Variants in CBX6 observed in about 807,000 individuals in gnomAD.
CBX6 encodes chromobox 6.
In CBX6, 7 loss-of-function variants were observed where a neutral mutation model predicts 28.4. That is an observed-to-expected ratio of 0.25 (90% CI 0.14 to 0.46). The LOEUF (loss-of-function observed/expected upper bound fraction) is 0.46. Ranked by LOEUF, CBX6 falls within the 20% of genes least tolerant of loss-of-function variation. The pLI, the probability that CBX6 is intolerant of heterozygous loss-of-function variation, is 0.99. For missense variants in CBX6, 512 were observed against 606.1 expected (o/e 0.84, Z 1.63); for synonymous variants, 297 against 273.4 (o/e 1.09, Z -0.85).
chr22:38,867,633 G>T (rs1211699822), intron 4 of CBX6, among the ~76,000 whole-genome samples: 3 of 152,182 alleles, frequency 2.0e-5, no homozygotes, highest in Non-Finnish European at 4.4e-5. Flanking sequence ...ACTCCTCCAC[G>T]GACTCATTCG....
chr22:38,871,700 G>A lies in CBX6; in HGVS notation c.171C>T (p.Phe57=). The part of the protein sequence containing the change: ...NILDSRLIAA[F]EQKERERELY... The stretch of plus-strand genomic sequence containing the variant: ...CTTCCCCAACAACTCACTTTTGTTC[G>A]AAGGCTGCAATGAGCCGCGAGTCCA... The change falls in exon 3 of 5, where the codon TTC becomes TTT. Residue 57 remains phenylalanine, a synonymous_variant. Transcript: ENST00000407418. The surrounding 1 kb of genome is among the most constrained non-coding windows in gnomAD (Gnocchi z 5.6). 2 of 1,613,402 alleles carry A rather than the reference G, an allele frequency of 1.2e-6. No homozygotes were observed. The highest frequency in any genetic ancestry group is 1.7e-6 in the Non-Finnish European group (2 of 1,179,662).
chr22:38,862,050 CG>C lies in CBX6; in HGVS notation c.*4158del, dbSNP rs1434553033. On this transcript the variant is annotated 3_prime_UTR_variant, in exon 5 of 5. Transcript: ENST00000407418. ...CACTCCACCCAGCAGCAAGGGCAGC[CG>C]GAACGCTTCGCTCCAGCTACCCGGC... 1.3e-5 allele frequency: 2 copies of C among 152,248 alleles called. No individual in the cohort carries two copies. The highest frequency in any genetic ancestry group is 2.9e-5 in the Non-Finnish European group (2 of 68,050). 9.4% of individuals were successfully genotyped at this position (152,248 alleles called of 1,614,324 possible).
Position 38,871,866 on chromosome 22 carries a change from C to T in CBX6, c.113+36G>A. On this transcript the variant is annotated intron_variant, in intron 2 of 4. Coordinates refer to ENST00000407418, the MANE Select transcript of CBX6 (RefSeq NM_014292.5). This position sits in a 1 kb window ranked among gnomAD's most constrained non-coding sequence, Gnocchi z 5.6. ...CCCAGGCCCCGGTGCCCGCTGCCTC[C>T]CCTCCCGCGACGCCCCCGGACCCCG... 6.5e-7 allele frequency: 1 copy of T among 1,538,798 alleles called. No individual in the cohort carries two copies. The highest frequency in any genetic ancestry group is 2.0e-5 in the Admixed American group (1 of 49,670).
At position 38,861,699 on chromosome 22, in the gene CBX6, T is replaced by C. The variant is rs1040200743; in HGVS notation, c.*4510A>G. ...GGTGGACTGGGGGACCTGCCCCCCA[T>C]GCTGGGGCGGCACCTCCGTTTTCCA... On this transcript the variant is annotated 3_prime_UTR_variant, in exon 5 of 5. Transcript: ENST00000407418. The C allele has an allele frequency of 1.3e-5, 2 of 152,130 alleles. No homozygotes were observed. Among genetic ancestry groups the C allele is most frequent in the Non-Finnish European group, 2.9e-5 (2 of 68,024 alleles). 9.4% of individuals were successfully genotyped at this position (152,130 alleles called of 1,614,324 possible). A position where few individuals can be genotyped will look rare whatever the true frequency, so the allele number is the denominator to read the frequency against.
intron 4 of CBX6, among the ~76,000 whole-genome samples, chr22:38,868,282 C>T (rs773021029): frequency 2.0e-5 from 3 of 152,196 alleles, no homozygotes; most frequent in African/African-American, 4.8e-5. Context: ...TGGAGAGCTG[C>T]CCTATCACAG....
rs943966860 is a variant in CBX6, at chr22:38,871,141, A to G, written c.246+339T>C. ...CTCCCCCTGGGTTCCAACTCCCAGC[A>G]CAGTCATAACAGCTCAAACAAATGC... On this transcript the variant is annotated intron_variant, in intron 4 of 4. Coordinates refer to ENST00000407418, the MANE Select transcript of CBX6 (RefSeq NM_014292.5). The surrounding 1 kb of genome is among the most constrained non-coding windows in gnomAD (Gnocchi z 5.6). 4 of 338,624 alleles carry G rather than the reference A, an allele frequency of 1.2e-5. No homozygotes were observed. Among genetic ancestry groups the G allele is most frequent in the African/African-American group, 2.2e-5 (1 of 45,442 alleles). 21.0% of individuals were successfully genotyped at this position (338,624 alleles called of 1,614,324 possible).
Position 38,867,221 on chromosome 22 carries a change from T to A in CBX6, c.247-20A>T. 1 of 373,922 alleles carries A rather than the reference T, an allele frequency of 2.7e-6. No homozygotes were observed. The allele number at this position is 373,922 out of a possible 1,614,324, so 23.2% of individuals were successfully genotyped here. ...CCGCGCCTGCGGGCAGAGGGAGGGG[T>A]GGGTGGGACCTCAGGACTGCCCGCT... On this transcript the variant is annotated intron_variant, in intron 4 of 4. Coordinates refer to ENST00000407418, the MANE Select transcript of CBX6 (RefSeq NM_014292.5).
chr22:38,869,290 G>A (rs1007651868), intron 4 of CBX6, among the ~76,000 whole-genome samples: 1 of 152,184 alleles, frequency 6.6e-6, no homozygotes, highest in Non-Finnish European at 1.5e-5. Context: ...GACTGTTCCT[G>A]GGGGAGGGGC....
In CBX6 at chr22:38,862,469, G is replaced by A. The variant is rs1210508902; in HGVS notation, c.*3740C>T. The A allele has an allele frequency of 7.1e-6, 1 of 140,980 alleles. No individual in the cohort carries two copies. Among genetic ancestry groups the A allele is most frequent in the Non-Finnish European group, 1.5e-5 (1 of 66,862 alleles). 8.7% of individuals were successfully genotyped at this position (140,980 alleles called of 1,614,324 possible). On this transcript the variant is annotated 3_prime_UTR_variant, in exon 5 of 5. Transcript: ENST00000407418. Reference sequence around the variant, plus strand: ...CCTTGGGCAAGTGCATGGGAGCCCGGAAGTGGAACTGACCAGGTGGGGCTC... The same window carrying A: ...CCTTGGGCAAGTGCATGGGAGCCCGAAAGTGGAACTGACCAGGTGGGGCTC...
At chr22:38,869,746 A>C (rs985934522) in intron 4 of CBX6, 4 of 152,098 alleles carry the variant, frequency 2.6e-5, no homozygotes, top group African/African-American at 9.7e-5. Flanking sequence ...AGGTTTAAGC[A>C]CCTGAACTCT....
Position 38,867,297 on chromosome 22 carries a change from G to A in CBX6, c.247-96C>T, listed in dbSNP as rs1476294077. ...AGCCAGCCCTAAGTAGAGCCTCTCA[G>A]CCAGCGATCCCGAGATCATTTAAGA... On this transcript the variant is annotated intron_variant, in intron 4 of 4. Transcript: ENST00000407418. 4 of 1,076,640 alleles carry A rather than the reference G, an allele frequency of 3.7e-6. No homozygotes were observed. In the Admixed American group the frequency reaches 8.3e-5, roughly 22 times the overall value. The allele number at this position is 1,076,640 out of a possible 1,614,324, so 66.7% of individuals were successfully genotyped here. A position where few individuals can be genotyped will look rare whatever the true frequency, so the allele number is the denominator to read the frequency against.
Position 38,866,177 on chromosome 22 carries a change from C to A in CBX6, c.*32G>T, listed in dbSNP as rs1301864388. ...AGAGTATGACTTCGGGCAGGAGGGC[C>A]CCCCCAAGCCCCCCTCCTTGGTGGA... On this transcript the variant is annotated 3_prime_UTR_variant, in exon 5 of 5. Transcript: ENST00000407418. The surrounding 1 kb of genome is among the most constrained non-coding windows in gnomAD (Gnocchi z 7.5). 1.4e-6 allele frequency: 2 copies of A among 1,465,828 alleles called. No individual in the cohort carries two copies. Among genetic ancestry groups the A allele is most frequent in the East Asian group, 2.4e-5 (1 of 42,226 alleles). 90.8% of individuals were successfully genotyped at this position (1,465,828 alleles called of 1,614,324 possible).
chr22:38,871,392 C>G lies in CBX6; in HGVS notation c.246+88G>C, dbSNP rs1472345441. ...GAAAAGGCCGGCCCGCTTGGGCGGC[C>G]GCGTATCTGTCCCTCCCTTCCAGGC... On this transcript the variant is annotated intron_variant, in intron 4 of 4. Coordinates refer to ENST00000407418, the MANE Select transcript of CBX6 (RefSeq NM_014292.5). This position sits in a 1 kb window ranked among gnomAD's most constrained non-coding sequence, Gnocchi z 5.6. The G allele has an allele frequency of 5.9e-6, 8 of 1,364,974 alleles. No homozygotes were observed. Among genetic ancestry groups the G allele is most frequent in the Non-Finnish European group, 8.1e-6 (8 of 991,932 alleles). 84.6% of individuals were successfully genotyped at this position (1,364,974 alleles called of 1,614,324 possible).
chr22:38,870,250 T>C lies in CBX6; in HGVS notation c.246+1230A>G, dbSNP rs2093179047. 2.6e-5 allele frequency: 4 copies of C among 152,254 alleles called. No homozygotes were observed. The allele number at this position is 152,254 out of a possible 1,614,324, so 9.4% of individuals were successfully genotyped here. A position where few individuals can be genotyped will look rare whatever the true frequency, so the allele number is the denominator to read the frequency against. ...TCTGTGAAATGGGGATAATACTCCT[T>C]ACTTCTTGGAACTGTTGAAAGAATT... On this transcript the variant is annotated intron_variant, in intron 4 of 4. Coordinates refer to ENST00000407418, the MANE Select transcript of CBX6 (RefSeq NM_014292.5). The surrounding 1 kb of genome is among the most constrained non-coding windows in gnomAD (Gnocchi z 4.3).
chr22:38,867,228 G>GGGGGGGGGGGCC, intron 4 of CBX6, 27 bp from the exon 5 acceptor site: 4 of 518,852 alleles, frequency 7.7e-6, no homozygotes, highest in Non-Finnish European at 1.1e-5. Context: ...GGGTGGGTGG[G>GGGGGGGGGGGCC]ACCTCAGGAC....
rs1333783305 is a variant in CBX6 at position 38,866,402 on chromosome 22, G to A, written c.1046C>T (p.Ala349Val). 1 of 1,612,628 alleles carries A rather than the reference G, an allele frequency of 6.2e-7. No individual in the cohort carries two copies. The highest frequency in any genetic ancestry group is 1.3e-5 in the African/African-American group (1 of 74,934). Residue 349 changes from alanine to valine, a missense_variant, in exon 5 of 5, where the codon GCC (alanine) becomes GTC (valine). Physicochemically the swap from Ala to Val is moderately conservative, Grantham distance 64. Coordinates refer to ENST00000407418, the MANE Select transcript of CBX6 (RefSeq NM_014292.5). The surrounding 1 kb of genome is among the most constrained non-coding windows in gnomAD (Gnocchi z 7.5). ...GTCCCCAGCCTCGGGCTCGGAGGAGGCACCGGCGGGCTCAGGGGCCGTGGG... is the reference window on the plus strand; with the variant it reads ...GTCCCCAGCCTCGGGCTCGGAGGAGACACCGGCGGGCTCAGGGGCCGTGGG... The part of the protein sequence containing the change: ...APPTAPEPAG[A>V]SSEPEAGDWR...
At position 38,871,153 on chromosome 22, in the gene CBX6, G is replaced by T. The variant is rs9622858; in HGVS notation, c.246+327C>A. On this transcript the variant is annotated intron_variant, in intron 4 of 4. Coordinates refer to ENST00000407418, the MANE Select transcript of CBX6 (RefSeq NM_014292.5). The surrounding 1 kb of genome is among the most constrained non-coding windows in gnomAD (Gnocchi z 5.6). ...TCCAACTCCCAGCACAGTCATAACAGCTCAAACAAATGCCCCCTTCCCATG... is the reference window on the plus strand; with the variant it reads ...TCCAACTCCCAGCACAGTCATAACATCTCAAACAAATGCCCCCTTCCCATG... 11 of 427,244 alleles carry T rather than the reference G, an allele frequency of 2.6e-5. No individual in the cohort carries two copies. Among genetic ancestry groups the T allele is most frequent in the African/African-American group, 2.1e-4 (10 of 48,028 alleles). The allele number at this position is 427,244 out of a possible 1,614,324, so 26.5% of individuals were successfully genotyped here. A position where few individuals can be genotyped will look rare whatever the true frequency, so the allele number is the denominator to read the frequency against.
chr22:38,861,694 C>T lies in CBX6; in HGVS notation c.*4515G>A, dbSNP rs2093157602. The T allele has an allele frequency of 6.6e-6, 1 of 152,176 alleles. No homozygotes were observed. Among genetic ancestry groups the T allele is most frequent in the Non-Finnish European group, 1.5e-5 (1 of 68,036 alleles). The allele number at this position is 152,176 out of a possible 1,614,324, so 9.4% of individuals were successfully genotyped here. ...GGCAGGGTGGACTGGGGGACCTGCC[C>T]CCCATGCTGGGGCGGCACCTCCGTT... On this transcript the variant is annotated 3_prime_UTR_variant, in exon 5 of 5. Coordinates refer to ENST00000407418, the MANE Select transcript of CBX6 (RefSeq NM_014292.5).
In CBX6 at chr22:38,862,048, G is replaced by C. The variant is rs1047515827; in HGVS notation, c.*4161C>G. 2.6e-5 allele frequency: 4 copies of C among 152,232 alleles called. No individual in the cohort carries two copies. The highest frequency in any genetic ancestry group is 9.6e-5 in the African/African-American group (4 of 41,462). The allele number at this position is 152,232 out of a possible 1,614,324, so 9.4% of individuals were successfully genotyped here. A position where few individuals can be genotyped will look rare whatever the true frequency, so the allele number is the denominator to read the frequency against. On this transcript the variant is annotated 3_prime_UTR_variant, in exon 5 of 5. Transcript: ENST00000407418. ...TCCACTCCACCCAGCAGCAAGGGCA[G>C]CCGGAACGCTTCGCTCCAGCTACCC...
Sources: gnomAD v4.1 joint callset for allele counts (sites outside exome capture counted in the v4.1 genomes callset) on GRCh38, gnomAD v4.1.1 for gene constraint, Gnocchi (gnomAD v3.1) non-coding constraint, MANE v1.5 for transcripts, NCBI Gene and HGNC (gene_info 2026-07-23, HGNC 2026-07-21) for gene names.